PKHD1: variants seen among roughly 807,000 people sequenced by gnomAD.
PKHD1 encodes the protein PKHD1 ciliary IPT domain containing fibrocystin/polyductin, also known as fibrocystin.
PKHD1 carries 291 observed loss-of-function variants against 412.0 expected under a neutral mutation model. The ratio of observed to expected loss-of-function variants is 0.71; its 90% CI spans 0.64 to 0.78. The LOEUF (loss-of-function observed/expected upper bound fraction) is 0.78, where lower values mean the gene tolerates loss of function less well. PKHD1 is among the 30% of genes least tolerant of loss of function. PKHD1 has a pLI of 0.00. For missense variants in PKHD1, 4,825 were observed against 4,950.7 expected (o/e 0.97, Z 0.76); for synonymous variants, 1,777 against 1,821.5 (o/e 0.98, Z 0.62).
intron 60 of PKHD1, among the ~76,000 whole-genome samples, chr6:51,704,774 G>C (rs1177422817): frequency 2.0e-5 from 3 of 152,082 alleles, no homozygotes; most frequent in African/African-American, 7.2e-5. Context: ...TCTGGAGGTA[G>C]TGGATGAAGG....
At chr6:51,681,992 T>G (rs890664096) in intron 60 of PKHD1, among the ~76,000 whole-genome samples, 1 of 152,094 alleles carries the variant, frequency 6.6e-6, no homozygotes, top group Non-Finnish European at 1.5e-5. Flanking sequence ...AGATGGAAGC[T>G]GATCTTTCAG....
At chr6:51,941,356 C>T (rs1384244118) in intron 36 of PKHD1, among the ~76,000 whole-genome samples, 3 of 142,112 alleles carry the variant, frequency 2.1e-5, no homozygotes, top group African/African-American at 5.1e-5. Flanking sequence ...CCCGGGTTCA[C>T]GCCATTCTCC....
intron 60 of PKHD1, among the ~76,000 whole-genome samples, chr6:51,733,661 T>C (rs1783500697): frequency 6.6e-6 from 1 of 152,076 alleles, no homozygotes; most frequent in Non-Finnish European, 1.5e-5. Context: ...ATAGAAGGAA[T>C]TTAGAATTCC....
chr6:51,949,051 G>C (rs1309600163), intron 36 of PKHD1, among the ~76,000 whole-genome samples: 1 of 152,058 alleles, frequency 6.6e-6, no homozygotes, highest in African/African-American at 2.4e-5. Context: ...AAAAATGAGA[G>C]GTAAATGGAG....
intron 45 of PKHD1, 29 bp downstream of exon 45, chr6:51,885,838 A>T (rs746201115): frequency 7.2e-7 from 1 of 1,386,258 alleles, no homozygotes; most frequent in South Asian, 1.2e-5. Context: ...AAAAACAACA[A>T]CAATAACAAC....
intron 63 of PKHD1, among the ~76,000 whole-genome samples, chr6:51,645,488 G>A (rs1769974696): frequency 6.6e-6 from 1 of 152,164 alleles, no homozygotes; most frequent in Non-Finnish European, 1.5e-5. Context: ...TGCCTCCTGG[G>A]TTCAAGTGAT....
At position 51,915,168 on chromosome 6, in the gene PKHD1, G is replaced by A. The variant is rs150084767; in HGVS notation, c.6122-2592C>T. On this transcript the variant is annotated intron_variant, in intron 37 of 66. Transcript: ENST00000371117. ...CTCTCTCTTGACCACAAGGACCTAT[G>A]ACTGAACCTGAGGGAATAATTTGGA... 5.3e-5 allele frequency among the ~76,000 whole-genome samples: 8 copies of A among 152,168 alleles called. 1 individual carries two copies. Among genetic ancestry groups the A allele is most frequent in the African/African-American group, 1.9e-4 (8 of 41,552 alleles).
intron 52 of PKHD1, among the ~76,000 whole-genome samples, chr6:51,815,711 T>C (rs1765348148): frequency 6.6e-6 from 1 of 152,164 alleles, no homozygotes; most frequent in East Asian, 1.9e-4. Flanking sequence ...CCAAGTATCA[T>C]GCAACATCGA....
intron 60 of PKHD1, among the ~76,000 whole-genome samples, chr6:51,706,362 A>G (rs987864730): frequency 1.3e-5 from 2 of 152,066 alleles, no homozygotes; most frequent in Admixed American, 1.3e-4. Context: ...AATGCTTCCA[A>G]CCTGTCTAAG....
chr6:51,972,133 C>T (rs1213061200), intron 35 of PKHD1, among the ~76,000 whole-genome samples: 2 of 152,122 alleles, frequency 1.3e-5, no homozygotes, highest in Non-Finnish European at 1.5e-5. Flanking sequence ...ACTAGCATTG[C>T]TTCCTGAGAA....
At chr6:51,838,942 T>C (rs1671581753) in intron 50 of PKHD1, among the ~76,000 whole-genome samples, 1 of 152,240 alleles carries the variant, frequency 6.6e-6, no homozygotes, top group Non-Finnish European at 1.5e-5. Context: ...TGGCACATCA[T>C]GAACAATAAA....
At chr6:51,912,616 C>T (rs775970765) in intron 37 of PKHD1, 40 bp from the exon 38 acceptor site, 1 of 1,303,548 alleles carries the variant, frequency 7.7e-7, no homozygotes, top group African/African-American at 1.5e-5. Context: ...ATAATTTAAT[C>T]ATTAATCAAA....
At chr6:51,640,223 T>C (rs2661506) in intron 63 of PKHD1, among the ~76,000 whole-genome samples, 6,510 of 152,290 alleles carry the variant, frequency 0.043, 234 homozygotes, top group African/African-American at 0.093. Flanking sequence ...TTCCCATCTT[T>C]GGAAGAATAC....
At chr6:51,841,450 T>C (rs1433448450) in intron 50 of PKHD1, among the ~76,000 whole-genome samples, 1 of 152,168 alleles carries the variant, frequency 6.6e-6, no homozygotes, top group East Asian at 1.9e-4. Flanking sequence ...CCTTTTCCTT[T>C]TGGAGTTGTT....
At chr6:51,619,567 A>G (rs1248816000) in intron 66 of PKHD1, 47 bp from the exon 67 acceptor site, 2 of 1,467,738 alleles carry the variant, frequency 1.4e-6, no homozygotes, top group South Asian at 1.1e-5. Context: ...GTTTTCAACC[A>G]GTTAATTACA....
At chr6:51,741,983 T>C (rs909344924) in intron 60 of PKHD1, among the ~76,000 whole-genome samples, 4 of 152,236 alleles carry the variant, frequency 2.6e-5, no homozygotes, top group Non-Finnish European at 1.5e-5. Flanking sequence ...TTTTAACATA[T>C]CAGAATGTTT....
rs535286991 is a variant in PKHD1, at chr6:51,696,512, C to A, written c.10157-36543G>T. Among the ~76,000 whole-genome samples the A allele has an allele frequency of 1.1e-4, 17 of 152,320 alleles. No individual in the cohort carries two copies. In the East Asian group the frequency reaches 3.1e-3, roughly 28 times the overall value. On this transcript the variant is annotated intron_variant, in intron 60 of 66. Transcript: ENST00000371117. ...GAGAAACTCAACCCCTTCTGTGCAACCTCCCCTGATCCATTATGTAATCAT... is the reference window on the plus strand; with the variant it reads ...GAGAAACTCAACCCCTTCTGTGCAAACTCCCCTGATCCATTATGTAATCAT...
chr6:52,059,741 A>G (rs183428612), intron 15 of PKHD1, among the ~76,000 whole-genome samples, 187 bp downstream of exon 15: 3 of 152,382 alleles, frequency 2.0e-5, no homozygotes, highest in East Asian at 3.9e-4. Flanking sequence ...TATTTGGCTT[A>G]CAGTAAATGC....
chr6:51,769,476 A>G (rs899808134), intron 55 of PKHD1, among the ~76,000 whole-genome samples: 7 of 151,340 alleles, frequency 4.6e-5, no homozygotes, highest in Admixed American at 2.6e-4. Context: ...ACTCTAAACT[A>G]TTCTGTACTT....
Sources: gnomAD v4.1 joint callset for allele counts (sites outside exome capture counted in the v4.1 genomes callset) on GRCh38, gnomAD v4.1.1 for gene constraint, MANE v1.5 for transcripts, NCBI Gene and HGNC (gene_info 2026-07-23, HGNC 2026-07-21) for gene names.